Variants in TRAPPC9 observed in about 807,000 individuals in gnomAD.
The protein encoded by TRAPPC9 is trafficking protein particle complex subunit 9, also known as IKK2 binding protein.
A neutral mutation model predicts 124.0 loss-of-function variants in TRAPPC9; 83 were observed. That is an observed-to-expected ratio of 0.67 (90% CI 0.56 to 0.80). TRAPPC9 has a LOEUF of 0.80. TRAPPC9 is among the 30% of genes least tolerant of loss of function. The pLI, the probability that TRAPPC9 is intolerant of heterozygous loss-of-function variation, is 0.00. For synonymous variants in TRAPPC9, 638 were observed against 617.5 expected (o/e 1.03, Z -0.49); for missense variants, 1,302 against 1,508.3 (o/e 0.86, Z 2.27).
chr8:140,291,218 C>A (rs1488853902), intron 11 of TRAPPC9, 140 bp from the exon 12 acceptor site: 2 of 787,964 alleles, frequency 2.5e-6, no homozygotes, highest in Non-Finnish European at 4.4e-6. Context: ...ATGGGTGATT[C>A]AAAGCTGCTT....
chr8:140,372,140 C>T (rs980229979), intron 7 of TRAPPC9, among the ~76,000 whole-genome samples: 1 of 152,234 alleles, frequency 6.6e-6, no homozygotes, highest in African/African-American at 2.4e-5. Flanking sequence ...TGCAAAATCA[C>T]ACAGCCAAGA....
intron 4 of TRAPPC9, among the ~76,000 whole-genome samples, chr8:140,434,172 G>A (rs957918511): frequency 6.6e-6 from 1 of 152,152 alleles, no homozygotes; most frequent in African/African-American, 2.4e-5. Context: ...CCGTGCCCTT[G>A]AGCCCGCTGC....
Position 140,457,553 on chromosome 8 carries a change from A to T in TRAPPC9, c.-11+86T>A, listed in dbSNP as rs545024395. 2.9e-5 allele frequency: 28 copies of T among 958,392 alleles called. No homozygotes were observed. In the South Asian group the frequency reaches 5.3e-4, roughly 18 times the overall value. The allele number at this position is 958,392 out of a possible 1,614,324, so 59.4% of individuals were successfully genotyped here. A position where few individuals can be genotyped will look rare whatever the true frequency, so the allele number is the denominator to read the frequency against. ...AGGGCCGGGCGAGCCCCTCCGCGGG[A>T]CGCGCCGACTCCACGGCCAGCCGCG... On this transcript the variant is annotated intron_variant, in intron 1 of 22. Coordinates refer to ENST00000438773, the MANE Select transcript of TRAPPC9 (RefSeq NM_001160372.4).
intron 17 of TRAPPC9, among the ~76,000 whole-genome samples, chr8:140,033,036 A>G (rs1840600478): frequency 6.6e-6 from 1 of 152,188 alleles, no homozygotes; most frequent in African/African-American, 2.4e-5. Flanking sequence ...TTCATGAATT[A>G]CACATTCATA....
chr8:140,293,290 T>G (rs2065714110), intron 11 of TRAPPC9, among the ~76,000 whole-genome samples: 1 of 151,086 alleles, frequency 6.6e-6, no homozygotes, highest in Non-Finnish European at 1.5e-5. Flanking sequence ...GTTCAACCAT[T>G]GTGGAAGTCA....
intron 19 of TRAPPC9, among the ~76,000 whole-genome samples, chr8:139,946,248 T>C (rs1055577606): frequency 1.2e-4 from 19 of 152,338 alleles, no homozygotes; most frequent in African/African-American, 3.8e-4. Context: ...GCAAACCTGA[T>C]CTTTATTCTA....
intron 17 of TRAPPC9, among the ~76,000 whole-genome samples, chr8:140,176,209 T>G (rs1269361418): frequency 6.6e-6 from 1 of 152,234 alleles, no homozygotes; most frequent in African/African-American, 2.4e-5. Context: ...TCCAAGTGTA[T>G]GCAAAACCAC....
At chr8:139,805,587 C>T (rs1305943473) in intron 21 of TRAPPC9, among the ~76,000 whole-genome samples, 1 of 152,144 alleles carries the variant, frequency 6.6e-6, no homozygotes, top group African/African-American at 2.4e-5. Context: ...TGGCCAGGCT[C>T]CCCTACTGTC....
intron 17 of TRAPPC9, among the ~76,000 whole-genome samples, chr8:140,137,413 T>C (rs2061321756): frequency 6.6e-6 from 1 of 152,192 alleles, no homozygotes; most frequent in African/African-American, 2.4e-5. Context: ...ATCATAGAGA[T>C]GAGTGTCCAA....
intron 9 of TRAPPC9, among the ~76,000 whole-genome samples, chr8:140,336,559 G>A (rs558280388): frequency 2.6e-5 from 4 of 152,266 alleles, no homozygotes; most frequent in Non-Finnish European, 4.4e-5. Context: ...CCCCAGTAAC[G>A]CACACCCTCA....
In TRAPPC9 at chr8:140,234,406, G is replaced by T. The variant is rs556564223; in HGVS notation, c.2432-12823C>A. ...TGCCATGGTGGACAGTACTGCACAG[G>T]CCATTCCCTCCAGTACAGAAAGTTC... On this transcript the variant is annotated intron_variant, in intron 16 of 22. Transcript: ENST00000438773. Among the ~76,000 whole-genome samples the T allele has an allele frequency of 1.4e-4, 22 of 152,324 alleles. No homozygotes were observed. The South Asian group carries it at 4.2e-3, about 29-fold the overall frequency.
chr8:140,060,683 T>A (rs188217906), intron 17 of TRAPPC9, among the ~76,000 whole-genome samples: 21 of 151,774 alleles, frequency 1.4e-4, no homozygotes, highest in Non-Finnish European at 2.6e-4. Context: ...GAGACCACAG[T>A]GCTGTGCTGG....
At chr8:139,941,164 T>C (rs1358145739) in intron 19 of TRAPPC9, among the ~76,000 whole-genome samples, 1 of 152,230 alleles carries the variant, frequency 6.6e-6, no homozygotes, top group Non-Finnish European at 1.5e-5. Flanking sequence ...CACGATTGGC[T>C]AGTCTTCAGA....
In TRAPPC9 at chr8:140,431,071, A is replaced by C. The variant is rs186428505; in HGVS notation, c.859+4041T>G. 9.2e-5 allele frequency among the ~76,000 whole-genome samples: 14 copies of C among 152,326 alleles called. No homozygotes were observed. The East Asian group carries it at 2.7e-3, about 29-fold the overall frequency. On this transcript the variant is annotated intron_variant, in intron 4 of 22. Coordinates refer to ENST00000438773, the MANE Select transcript of TRAPPC9 (RefSeq NM_001160372.4). ...CCCCTTTAAGCCCCAACATATACTAATCCACAAATAATTCTGTGGCTTGGG... is the reference window on the plus strand; with the variant it reads ...CCCCTTTAAGCCCCAACATATACTACTCCACAAATAATTCTGTGGCTTGGG...
At chr8:139,891,472 G>C (rs1166770765) in intron 20 of TRAPPC9, among the ~76,000 whole-genome samples, 2 of 152,334 alleles carry the variant, frequency 1.3e-5, no homozygotes, top group Non-Finnish European at 2.9e-5. Context: ...GGGCTATGTG[G>C]TTCCCACGCC....
chr8:140,273,542 T>TCA (rs968376971), intron 15 of TRAPPC9, among the ~76,000 whole-genome samples: 6 of 152,190 alleles, frequency 3.9e-5, no homozygotes, highest in Non-Finnish European at 8.8e-5. Context: ...GGTTGTGTGA[T>TCA]CAGTGAGCTC....
chr8:140,416,262 AC>A (rs2069924467), intron 5 of TRAPPC9, among the ~76,000 whole-genome samples: 1 of 152,196 alleles, frequency 6.6e-6, no homozygotes, highest in Non-Finnish European at 1.5e-5. Flanking sequence ...ACAATTATAC[AC>A]CAATGAATTA....
At chr8:140,419,227 G>T (rs367915448) in intron 5 of TRAPPC9, among the ~76,000 whole-genome samples, 6 of 151,764 alleles carry the variant, frequency 4.0e-5, no homozygotes, top group African/African-American at 1.5e-4. Flanking sequence ...AGGAGATTGA[G>T]ACCATCCTGG....
intron 21 of TRAPPC9, among the ~76,000 whole-genome samples, chr8:139,849,741 C>G (rs887708090): frequency 6.6e-6 from 1 of 152,180 alleles, no homozygotes; most frequent in Non-Finnish European, 1.5e-5. Context: ...TCACTGAATT[C>G]TTGAGTTCTA....
Sources: gnomAD v4.1 joint callset for allele counts (sites outside exome capture counted in the v4.1 genomes callset) on GRCh38, gnomAD v4.1.1 for gene constraint, MANE v1.5 for transcripts, NCBI Gene and HGNC (gene_info 2026-07-23, HGNC 2026-07-21) for gene names.